CELF2: variants seen among roughly 807,000 people sequenced by gnomAD.
The protein encoded by CELF2 is CUGBP Elav-like family member 2, also known as CUG triplet repeat RNA-binding protein 2.
CELF2 carries 8 observed loss-of-function variants against 62.6 expected under a neutral mutation model. The ratio of observed to expected loss-of-function variants is 0.13; its 90% CI spans 0.07 to 0.23. The LOEUF (loss-of-function observed/expected upper bound fraction) is 0.23. Among genes scored for constraint, CELF2 ranks in the 10% least tolerant of loss-of-function variants. The probability of loss-of-function intolerance (pLI) is 1.00; values close to 1 mark genes in which losing one functional copy is unlikely to be tolerated. For synonymous variants in CELF2, 258 were observed against 250.0 expected (o/e 1.03, Z -0.30); for missense variants, 333 against 671.0 (o/e 0.50, Z 5.56).
chr10:10,867,412 A>C (rs563223496), intron 1 of CELF2, among the ~76,000 whole-genome samples: 7 of 152,358 alleles, frequency 4.6e-5, no homozygotes, highest in African/African-American at 1.7e-4. Flanking sequence ...TTTCTAGGTA[A>C]AACTCTTAAT....
chr10:10,750,537 A>G, the CELF2 span, among the ~76,000 whole-genome samples: 1 of 152,262 alleles, frequency 6.6e-6, no homozygotes, highest in Non-Finnish European at 1.5e-5. Flanking sequence ...CAACTGAAGA[A>G]GGTGAAATTC....
the CELF2 span, among the ~76,000 whole-genome samples, chr10:10,617,713 G>C: frequency 2.0e-5 from 3 of 151,986 alleles, no homozygotes; most frequent in Non-Finnish European, 4.4e-5. Flanking sequence ...TTGTAAAGGG[G>C]GGGGAAATAG....
At chr10:10,756,799 G>A in the CELF2 span, among the ~76,000 whole-genome samples, 1 of 152,132 alleles carries the variant, frequency 6.6e-6, no homozygotes, top group Non-Finnish European at 1.5e-5. Context: ...TTGACTTAAA[G>A]AAGCAGTAAT....
At chr10:11,198,869 C>T (rs2058581389) in intron 2 of CELF2, among the ~76,000 whole-genome samples, 1 of 152,178 alleles carries the variant, frequency 6.6e-6, no homozygotes, top group Non-Finnish European at 1.5e-5. Context: ...TTGAGGAAAA[C>T]CCAAGACTCA....
the CELF2 span, among the ~76,000 whole-genome samples, chr10:10,665,154 G>A: frequency 6.6e-6 from 1 of 152,066 alleles, no homozygotes; most frequent in South Asian, 2.1e-4. Context: ...GAATAAAGAA[G>A]AAAAATTAAT....
chr10:10,856,953 T>C (rs1000123725), intron 1 of CELF2, among the ~76,000 whole-genome samples: 5 of 152,160 alleles, frequency 3.3e-5, no homozygotes, highest in Non-Finnish European at 7.3e-5. Context: ...GTTGGGACAT[T>C]GGACAACAAG....
At chr10:10,875,140 G>A (rs1194992791) in intron 1 of CELF2, among the ~76,000 whole-genome samples, 2 of 152,072 alleles carry the variant, frequency 1.3e-5, no homozygotes, top group Non-Finnish European at 1.5e-5. Flanking sequence ...CTGATGGTTC[G>A]TTCTTCATCT....
rs2140302858 is a variant in CELF2, at chr10:11,305,781, G to T, written c.977-8358G>T. On this transcript the variant is annotated intron_variant, in intron 9 of 12. Transcript: ENST00000633077. The surrounding 1 kb of genome is among the most constrained non-coding windows in gnomAD (Gnocchi z 4.8). Reference sequence around the variant, plus strand: ...TCCCCTCAGTTGGGATTAGTGTTTGGGATTACTCAATTTGTAGTTTTCCAA... The same window carrying T: ...TCCCCTCAGTTGGGATTAGTGTTTGTGATTACTCAATTTGTAGTTTTCCAA... Among the ~76,000 whole-genome samples the T allele has an allele frequency of 6.6e-6, 1 of 152,246 alleles. No homozygotes were observed. Among genetic ancestry groups the T allele is most frequent in the East Asian group, 1.9e-4 (1 of 5,176 alleles).
rs1463544340 is a variant in CELF2, at chr10:11,270,166, A to C, written c.619-500A>C. On this transcript the variant is annotated intron_variant, in intron 6 of 12. Coordinates refer to ENST00000633077, the MANE Select transcript of CELF2 (RefSeq NM_001326342.2). This position sits in a 1 kb window ranked among gnomAD's most constrained non-coding sequence, Gnocchi z 5.8. ...GGCCGATAGGATTGTCACAATCCCA[A>C]AGTTCACAGATACATAACTGAAAAC... 2.6e-5 allele frequency among the ~76,000 whole-genome samples: 4 copies of C among 152,242 alleles called. No individual in the cohort carries two copies. Among genetic ancestry groups the C allele is most frequent in the Non-Finnish European group, 5.9e-5 (4 of 68,042 alleles).
intron 8 of CELF2, among the ~76,000 whole-genome samples, chr10:11,281,734 A>G (rs1046605211): frequency 5.3e-5 from 8 of 152,200 alleles, no homozygotes; most frequent in African/African-American, 1.9e-4. Context: ...ACGGAGCAAG[A>G]CCCTGTCTCA....
At chr10:10,922,183 C>T (rs1024291677) in intron 2 of CELF2, among the ~76,000 whole-genome samples, 1 of 152,076 alleles carries the variant, frequency 6.6e-6, no homozygotes, top group East Asian at 1.9e-4. Context: ...CTTTGGATAA[C>T]GTCCCAAAGA....
Position 11,267,541 on chromosome 10 carries a change from G to A in CELF2, c.618+864G>A, listed in dbSNP as rs957490299. Among the ~76,000 whole-genome samples the A allele has an allele frequency of 2.6e-5, 4 of 152,146 alleles. No individual in the cohort carries two copies. The highest frequency in any genetic ancestry group is 7.2e-5 in the African/African-American group (3 of 41,434). On this transcript the variant is annotated intron_variant, in intron 6 of 12. Transcript: ENST00000633077. The surrounding 1 kb of genome is among the most constrained non-coding windows in gnomAD (Gnocchi z 4.4). ...TCTTTGTGTATGGGTGATCTTTTCCGGAGGTGGCCTTGTGGTGTTATCTGA... is the reference window on the plus strand; with the variant it reads ...TCTTTGTGTATGGGTGATCTTTTCCAGAGGTGGCCTTGTGGTGTTATCTGA...
the CELF2 span, among the ~76,000 whole-genome samples, chr10:10,648,133 T>C: frequency 6.6e-6 from 1 of 152,286 alleles, no homozygotes; most frequent in Non-Finnish European, 1.5e-5. Context: ...CTTGCAGCAA[T>C]GTAAAGCAAA....
At chr10:10,793,890 T>C (rs2053990811), upstream of CELF2, among the ~76,000 whole-genome samples, 1 of 152,198 alleles carries the variant, frequency 6.6e-6, no homozygotes, top group Admixed American at 6.5e-5. Flanking sequence ...TAAAAGTCCA[T>C]TTAGCAGAGG....
At chr10:10,507,020 GC>G in the CELF2 span, among the ~76,000 whole-genome samples, 1 of 152,028 alleles carries the variant, frequency 6.6e-6, no homozygotes, top group East Asian at 1.9e-4. Context: ...CAAAGGATGT[GC>G]TTTGTAGACC....
rs192683305 is a variant in CELF2 at position 10,892,467 on chromosome 10, C to T, written c.54-27497C>T. Among the ~76,000 whole-genome samples, 767 of 152,230 alleles carry T rather than the reference C, an allele frequency of 5.0e-3. 3 individuals carry two copies. Among genetic ancestry groups the T allele is most frequent in the Non-Finnish European group, 7.8e-3 (530 of 68,026 alleles). ...CCCCTCCATCCACAAATGGAAGGCA[C>T]CCTTTTTTGTTCCTGTAGACTGAGC... On this transcript the variant is annotated intron_variant, in intron 1 of 13. Coordinates refer to the CELF2 transcript ENST00000636488.
chr10:11,329,079 T>C lies in CELF2; in HGVS notation c.*26T>C, dbSNP rs1202515744. On this transcript the variant is annotated 3_prime_UTR_variant, in exon 13 of 13. Transcript: ENST00000633077. The surrounding 1 kb of genome is among the most constrained non-coding windows in gnomAD (Gnocchi z 5.5). ...TCCTAACCCCAGAGGCTCCCTGCTC[T>C]CATTTTAGCTTTCTTAGGGTAAGTC... is the stretch of plus-strand genomic sequence containing the variant. The C allele has an allele frequency of 6.3e-7, 1 of 1,593,102 alleles. No homozygotes were observed. Among genetic ancestry groups the C allele is most frequent in the Non-Finnish European group, 8.6e-7 (1 of 1,164,846 alleles).
intron 8 of CELF2, among the ~76,000 whole-genome samples, chr10:11,283,689 T>C (rs1039399215): frequency 8.0e-5 from 12 of 150,428 alleles, no homozygotes; most frequent in African/African-American, 2.9e-4. Flanking sequence ...GATGGATGGA[T>C]GGATGGGTGG....
chr10:10,615,416 G>A, the CELF2 span, among the ~76,000 whole-genome samples: 1 of 152,164 alleles, frequency 6.6e-6, no homozygotes, highest in Non-Finnish European at 1.5e-5. Context: ...CTGTCAGGCT[G>A]TGAGCAAGTA....
Sources: gnomAD v4.1 joint callset for allele counts (sites outside exome capture counted in the v4.1 genomes callset) on GRCh38, gnomAD v4.1.1 for gene constraint, Gnocchi (gnomAD v3.1) non-coding constraint, MANE v1.5 for transcripts, NCBI Gene and HGNC (gene_info 2026-07-23, HGNC 2026-07-21) for gene names.